The following NAV3 variants were observed in gnomAD, a reference collection of about 807,000 sequenced individuals.
NAV3 encodes the protein neuron navigator 3, also known as pore membrane and/or filament interacting like protein 1.
NAV3 carries 87 observed loss-of-function variants against 244.7 expected under a neutral mutation model. The observed-to-expected ratio is 0.36, with a 90% CI of 0.30 to 0.42. The LOEUF (loss-of-function observed/expected upper bound fraction) is 0.42, where lower values mean the gene tolerates loss of function less well. Ranked by LOEUF, NAV3 falls within the 20% of genes least tolerant of loss-of-function variation. The pLI, the probability that NAV3 is intolerant of heterozygous loss-of-function variation, is 1.00. For synonymous variants in NAV3, 1,126 were observed against 1,042.2 expected (o/e 1.08, Z -1.55); for missense variants, 2,663 against 2,893.3 (o/e 0.92, Z 1.83).
chr12:78,175,509 T>G lies in NAV3; in HGVS notation c.5103+82T>G, dbSNP rs1256664824. On this transcript the variant is annotated intron_variant, in intron 25 of 39. Transcript: ENST00000397909. The stretch of plus-strand genomic sequence containing the variant: ...CTTTTTCTTTGGGGCTTTAGTGATC[T>G]GCAGTAGTTTACAAAGGGTCCCATT... 19 of 1,522,126 alleles carry G rather than the reference T, an allele frequency of 1.2e-5. No individual in the cohort carries two copies. The East Asian group carries it at 1.4e-4, about 11-fold the overall frequency. 94.3% of individuals were successfully genotyped at this position (1,522,126 alleles called of 1,614,324 possible).
At chr12:77,586,179 A>AT (rs138059449) in intron 2 of NAV3, among the ~76,000 whole-genome samples, 59,491 of 151,776 alleles carry the variant, frequency 0.39, 11,840 homozygotes, top group Middle Eastern at 0.53. Context: ...GAAAAAAAAA[A>AT]TTGCTGTAAG....
intron 1 of NAV3, among the ~76,000 whole-genome samples, chr12:77,845,876 C>G (rs752079566): frequency 3.9e-5 from 6 of 152,110 alleles, no homozygotes; most frequent in Non-Finnish European, 7.4e-5. Flanking sequence ...TGGTCTCGAA[C>G]CCCTGACATC....
chr12:77,883,084 G>T (rs2370045), intron 1 of NAV3, among the ~76,000 whole-genome samples: 52,357 of 151,808 alleles, frequency 0.34, 9,352 homozygotes, highest in African/African-American at 0.43. Flanking sequence ...TTCTATTGCT[G>T]GTTATACACT....
At chr12:77,587,047 T>C (rs1869647913) in intron 2 of NAV3, among the ~76,000 whole-genome samples, 2 of 152,196 alleles carry the variant, frequency 1.3e-5, no homozygotes, top group Admixed American at 1.3e-4. Flanking sequence ...TTTTTCCTTA[T>C]GTGAAAGTAA....
chr12:77,832,324 G>C (rs754683978), intron 1 of NAV3, among the ~76,000 whole-genome samples: 1 of 152,138 alleles, frequency 6.6e-6, no homozygotes, highest in Non-Finnish European at 1.5e-5. Context: ...TATTTTGTGA[G>C]TAGTTGCTCA....
chr12:77,599,302 A>G (rs1372620727), intron 2 of NAV3, among the ~76,000 whole-genome samples: 2 of 152,016 alleles, frequency 1.3e-5, no homozygotes, highest in Admixed American at 6.6e-5. Flanking sequence ...GAATTATTCA[A>G]TTGTATCTTC....
At chr12:77,685,518 C>T (rs1874696801) in intron 2 of NAV3, among the ~76,000 whole-genome samples, 1 of 48,534 alleles carries the variant, frequency 2.1e-5, no homozygotes, top group Admixed American at 2.8e-4. Context: ...TACCCACACG[C>T]ACACCATTGG....
chr12:78,031,730 T>G (rs1459215471), intron 9 of NAV3, among the ~76,000 whole-genome samples: 2 of 100,876 alleles, frequency 2.0e-5, no homozygotes, highest in Admixed American at 1.5e-4. Context: ...CTCTGGCGAC[T>G]GTGGTGGGGT....
rs370708678 is a variant in NAV3, at chr12:77,879,721, A to G, written c.243+48017A>G. On this transcript the variant is annotated intron_variant, in intron 1 of 39. Transcript: ENST00000397909. ...AAAAAAAAAAAAAGGAAATTATTTC[A>G]CAGCTATAAAACTATCTACAAGTAC... 8.9e-5 allele frequency among the ~76,000 whole-genome samples: 13 copies of G among 146,552 alleles called. No homozygotes were observed. In the East Asian group the frequency reaches 2.2e-3, roughly 25 times the overall value.
intron 1 of NAV3, among the ~76,000 whole-genome samples, chr12:77,836,150 AC>A (rs1201003737): frequency 6.6e-6 from 1 of 152,148 alleles, no homozygotes; most frequent in African/African-American, 2.4e-5. Context: ...TTGCCTTGGA[AC>A]CTTTACTTAA....
intron 1 of NAV3, among the ~76,000 whole-genome samples, chr12:77,842,257 C>A (rs995188156): frequency 3.0e-4 from 45 of 152,120 alleles, no homozygotes; most frequent in Middle Eastern, 3.4e-3. Flanking sequence ...ACACAAATAC[C>A]ATATAAAAAG....
intron 38 of NAV3, among the ~76,000 whole-genome samples, chr12:78,203,345 T>C (rs1458632983): frequency 1.3e-5 from 2 of 152,104 alleles, no homozygotes; most frequent in African/African-American, 4.8e-5. Context: ...ATTATACATG[T>C]TTTTCTTCAA....
At chr12:77,778,256 G>A (rs1260108797) in intron 2 of NAV3, among the ~76,000 whole-genome samples, 2 of 136,616 alleles carry the variant, frequency 1.5e-5, no homozygotes, top group East Asian at 2.4e-4. Flanking sequence ...CCCGCCCCCC[G>A]TCCTTGCTTC....
intron 9 of NAV3, among the ~76,000 whole-genome samples, chr12:78,032,354 C>G (rs1412471633): frequency 6.6e-6 from 1 of 152,070 alleles, no homozygotes; most frequent in Non-Finnish European, 1.5e-5. Context: ...TTGTCTTTGC[C>G]ATTAAATGGT....
At chr12:77,829,650 T>C (rs1024944192), upstream of NAV3, among the ~76,000 whole-genome samples, 3 of 152,190 alleles carry the variant, frequency 2.0e-5, no homozygotes, top group Non-Finnish European at 4.4e-5. Context: ...ACTAGTGTTG[T>C]ATTTGTTTTG....
chr12:77,937,605 A>C (rs1254813164), intron 1 of NAV3, among the ~76,000 whole-genome samples: 1 of 152,208 alleles, frequency 6.6e-6, no homozygotes, highest in Non-Finnish European at 1.5e-5. Flanking sequence ...GAATGAGAAT[A>C]TGACAGCCTT....
At chr12:78,087,805 T>A (rs932841135) in intron 12 of NAV3, among the ~76,000 whole-genome samples, 1 of 151,990 alleles carries the variant, frequency 6.6e-6, no homozygotes, top group Non-Finnish European at 1.5e-5. Context: ...ATTAGGGGTC[T>A]ATTTATTTGT....
chr12:77,934,407 A>G (rs1677896), intron 1 of NAV3, among the ~76,000 whole-genome samples: 1 of 151,870 alleles, frequency 6.6e-6, no homozygotes, highest in Admixed American at 6.6e-5. Context: ...GGGAAATTAT[A>G]AAAAAAAAGT....
chr12:77,835,567 C>T (rs2136116628), intron 1 of NAV3, among the ~76,000 whole-genome samples: 1 of 152,306 alleles, frequency 6.6e-6, no homozygotes, highest in Non-Finnish European at 1.5e-5. Context: ...TGGTAAAGTA[C>T]ATCACCATTT....
Sources: allele counts gnomAD v4.1 joint callset (sites outside exome capture counted in the v4.1 genomes callset), GRCh38; gene constraint gnomAD v4.1.1; transcripts MANE v1.5; gene names NCBI Gene and HGNC (gene_info 2026-07-23, HGNC 2026-07-21).